Variants in SSBP1 observed in about 807,000 individuals in gnomAD.
SSBP1 encodes single stranded DNA binding protein 1, also known as single-stranded DNA-binding protein, mitochondrial.
In SSBP1, 20 loss-of-function variants were observed where a neutral mutation model predicts 27.0. The ratio of observed to expected loss-of-function variants is 0.74; its 90% confidence interval spans 0.52 to 1.08. SSBP1 has a LOEUF of 1.08. Ranked by LOEUF, SSBP1 falls within the 50% of genes least tolerant of loss-of-function variation. The pLI is 0.00. For missense variants in SSBP1, 137 were observed against 182.4 expected, an observed-to-expected ratio of 0.75 and a Z score of 1.44; for synonymous variants, 59 against 59.3, an observed-to-expected ratio of 1.00 and a Z score of 0.02.
chr7:141,739,144 T>C lies in SSBP1; in HGVS notation c.-23T>C. 6.3e-7 allele frequency: 1 copy of C among 1,590,408 alleles called. No individual in the cohort carries two copies. The highest frequency in any genetic ancestry group is 8.5e-7 in the Non-Finnish European group (1 of 1,170,780). On this transcript the variant is annotated 5_prime_UTR_variant, in exon 2 of 7. Transcript: ENST00000265304. ...TTCAGGAAAAGCCTAAAGATTAGAC[T>C]GTAAGAAAAGAAAATAGAAGCCATG...
intron 3 of SSBP1, 119 bp from the exon 4 acceptor site, chr7:141,743,442 C>T: frequency 2.5e-6 from 3 of 1,190,412 alleles, no homozygotes; most frequent in Non-Finnish European, 3.6e-6. Flanking sequence ...TTTAAGGATC[C>T]CACTTCCAAA....
chr7:141,743,693 A>G lies in SSBP1; in HGVS notation c.218A>G (p.Tyr73Cys), dbSNP rs1429382365. The change falls in exon 4 of 7, where the codon TAC (tyrosine) becomes TGC (cysteine). Residue 73 changes from tyrosine (Y) to cysteine (C), a missense_variant. By Grantham distance (194) the Tyr-to-Cys change is radical. Around this residue, in one of 2 missense-constraint regions of SSBP1, gnomAD observed 95 missense variants for 152.0 expected, o/e 0.62. Transcript: ENST00000265304. ...EMWRSGDSEV[Y>C]QLGDVSQKTT... ...TGGCGATCAGGGGATAGTGAAGTTT[A>G]CCAACTGGGTGAGTACAAAAGACTG... The G allele has an allele frequency of 6.2e-7, 1 of 1,614,196 alleles. No homozygotes were observed. Among genetic ancestry groups the G allele is most frequent in the Admixed American group, 1.7e-5 (1 of 60,018 alleles).
chr7:141,745,199 A>G (rs763317645), intron 5 of SSBP1, among the ~76,000 whole-genome samples: 1 of 152,248 alleles, frequency 6.6e-6, no homozygotes, highest in Non-Finnish European at 1.5e-5. Flanking sequence ...AATTATTCCT[A>G]GAGATTTAAA....
chr7:141,748,927 A>G (rs1258219373), intron 6 of SSBP1, among the ~76,000 whole-genome samples: 1 of 152,224 alleles, frequency 6.6e-6, no homozygotes, highest in Non-Finnish European at 1.5e-5. Flanking sequence ...GGACCAAAAC[A>G]TTCTAGTTTT....
At chr7:141,743,067 A>G (rs987821761) in intron 3 of SSBP1, among the ~76,000 whole-genome samples, 42 of 152,260 alleles carry the variant, frequency 2.8e-4, no homozygotes, top group Middle Eastern at 3.4e-3. Context: ...GTTAGCCAGC[A>G]TGGTCTCTCT....
intron 6 of SSBP1, among the ~76,000 whole-genome samples, chr7:141,747,383 A>ATTTTTTT (rs1320451586): frequency 4.2e-5 from 4 of 94,466 alleles, no homozygotes; most frequent in Non-Finnish European, 8.2e-5. Flanking sequence ...CCCAAATTAG[A>ATTTTTTT]TTTTTTTTTT....
In SSBP1 at chr7:141,750,401, A is replaced by G. The variant is rs1287351937; in HGVS notation, c.*47A>G. On this transcript the variant is annotated 3_prime_UTR_variant, in exon 7 of 7. Transcript: ENST00000265304. Reference sequence around the variant, plus strand: ...CATCATTTGGTACAGTCTCATTTCCAAGTCATGTATAATCTTTATGGCTTC... The same window carrying G: ...CATCATTTGGTACAGTCTCATTTCCGAGTCATGTATAATCTTTATGGCTTC... 4 of 1,469,884 alleles carry G rather than the reference A, an allele frequency of 2.7e-6. No homozygotes were observed. The highest frequency in any genetic ancestry group is 4.7e-5 in the East Asian group (2 of 42,290). 91.1% of individuals were successfully genotyped at this position (1,469,884 alleles called of 1,614,324 possible).
At chr7:141,739,509 T>A (rs1799432533) in intron 2 of SSBP1, 1 of 250,272 alleles carries the variant, frequency 4.0e-6, no homozygotes, top group African/African-American at 2.2e-5. Context: ...TTGTTCCAAC[T>A]TTTTTCTTAA....
chr7:141,750,276 C>A (rs200974329), intron 6 of SSBP1, 35 bp from the exon 7 acceptor site: 2 of 1,471,134 alleles, frequency 1.4e-6, no homozygotes, highest in African/African-American at 1.4e-5. Flanking sequence ...AGAAAGAGTT[C>A]TGAAATTAAT....
In SSBP1 at chr7:141,739,152, AAG is replaced by A; in HGVS notation, c.-13_-12del. 6.3e-7 allele frequency: 1 copy of A among 1,593,632 alleles called. No individual in the cohort carries two copies. The highest frequency in any genetic ancestry group is 8.5e-7 in the Non-Finnish European group (1 of 1,171,998). On this transcript the variant is annotated 5_prime_UTR_variant, in exon 2 of 7. Transcript: ENST00000265304. Reference sequence around the variant, plus strand: ...AAGCCTAAAGATTAGACTGTAAGAAAAGAAAATAGAAGCCATGTTTCGAAGAC... The same window carrying A: ...AAGCCTAAAGATTAGACTGTAAGAAAAAAATAGAAGCCATGTTTCGAAGAC...
intron 2 of SSBP1, chr7:141,741,288 A>G (rs947376777): frequency 6.6e-6 from 1 of 152,398 alleles, no homozygotes; most frequent in African/African-American, 2.4e-5. Flanking sequence ...GTGAGAATCT[A>G]ATGCCACTGC....
At chr7:141,744,043 G>C in intron 5 of SSBP1, 54 bp downstream of exon 5, 1 of 1,512,572 alleles carries the variant, frequency 6.6e-7, no homozygotes, top group Non-Finnish European at 9.0e-7. Context: ...GAACCGATAA[G>C]AAGTGTTCTC....
intron 5 of SSBP1, among the ~76,000 whole-genome samples, chr7:141,744,733 T>C (rs1799709391): frequency 6.6e-6 from 1 of 152,244 alleles, no homozygotes; most frequent in African/African-American, 2.4e-5. Context: ...TATGAATATG[T>C]GCACATACAC....
intron 5 of SSBP1, among the ~76,000 whole-genome samples, chr7:141,744,948 C>G (rs1799718542): frequency 6.6e-6 from 1 of 151,958 alleles, no homozygotes; most frequent in African/African-American, 2.4e-5. Context: ...TCTAGTTTAG[C>G]CTCTAGATAG....
chr7:141,747,785 AGT>A (rs1327277643), intron 6 of SSBP1, among the ~76,000 whole-genome samples: 2 of 151,396 alleles, frequency 1.3e-5, no homozygotes, highest in Non-Finnish European at 2.9e-5. Flanking sequence ...GATCATTTGA[AGT>A]CAAGAGTTCA....
upstream of SSBP1, chr7:141,738,328 C>T (rs1033485530): frequency 2.0e-5 from 3 of 152,376 alleles, no homozygotes; most frequent in Middle Eastern, 3.4e-3. Flanking sequence ...TTTCTGTTTC[C>T]TTTTTCCTCT....
chr7:141,738,772 A>G (rs1799385708), intron 1 of SSBP1: 3 of 169,740 alleles, frequency 1.8e-5, no homozygotes, highest in African/African-American at 7.1e-5. Context: ...CTTTTTTAGA[A>G]GTTTAGAAAA....
At chr7:141,739,261 C>T in intron 2 of SSBP1, 71 bp downstream of exon 2, 1 of 1,324,374 alleles carries the variant, frequency 7.6e-7, no homozygotes, top group Non-Finnish European at 1.0e-6. Flanking sequence ...CTTCTTTAGG[C>T]TTTTAACTAC....
At chr7:141,743,437 G>A (rs1480392018) in intron 3 of SSBP1, 124 bp from the exon 4 acceptor site, 1 of 1,137,058 alleles carries the variant, frequency 8.8e-7, no homozygotes, top group Non-Finnish European at 1.3e-6. Flanking sequence ...TACCTTTTAA[G>A]GATCCCACTT....
Sources: allele counts gnomAD v4.1 joint callset (sites outside exome capture counted in the v4.1 genomes callset), GRCh38; gene constraint gnomAD v4.1.1; regional missense constraint gnomAD v4.1.1; transcripts MANE v1.5; gene names NCBI Gene and HGNC (gene_info 2026-07-23, HGNC 2026-07-21).